CYSLTR2: variants seen among roughly 807,000 people sequenced by gnomAD.
The protein encoded by CYSLTR2 is cysteinyl leukotriene receptor 2.
For synonymous variants in CYSLTR2, 179 were observed against 160.8 expected (o/e 1.11, Z -0.86); for missense variants, 398 against 411.9 (o/e 0.97, Z 0.29).
chr13:48,679,227 C>A (rs984337455), intron 1 of CYSLTR2, among the ~76,000 whole-genome samples: 1 of 152,084 alleles, frequency 6.6e-6, no homozygotes, highest in Non-Finnish European at 1.5e-5. Flanking sequence ...TCTCTCTCCC[C>A]CAGAACCTTA....
chr13:48,701,691 C>A (rs537375690), intron 4 of CYSLTR2, among the ~76,000 whole-genome samples: 1 of 152,300 alleles, frequency 6.6e-6, no homozygotes, highest in African/African-American at 2.4e-5. Context: ...CAGAGGAATG[C>A]AAATCAAAAC....
At chr13:48,703,231 T>C (rs913461088) in intron 4 of CYSLTR2, among the ~76,000 whole-genome samples, 7 of 152,130 alleles carry the variant, frequency 4.6e-5, no homozygotes, top group Admixed American at 3.9e-4. Context: ...CTCTTGGGGT[T>C]TTCTATGTAA....
chr13:48,697,136 C>T (rs1036861173), intron 4 of CYSLTR2, among the ~76,000 whole-genome samples: 1 of 152,174 alleles, frequency 6.6e-6, no homozygotes, highest in African/African-American at 2.4e-5. Flanking sequence ...TTAAACGTCC[C>T]TGTCTGACAG....
chr13:48,656,393 A>G (rs1174241432), intron 1 of CYSLTR2, among the ~76,000 whole-genome samples: 1 of 152,178 alleles, frequency 6.6e-6, no homozygotes, highest in Admixed American at 6.5e-5. Flanking sequence ...CACCAAGTTA[A>G]TCACTTAACA....
In CYSLTR2 at chr13:48,706,954, T is replaced by C. The variant is rs746041566; in HGVS notation, c.137T>C (p.Leu46Pro). Reference protein sequence around the residue: ...FKREFFPIVYLIIFFWGVLGN... With the variant: ...FKREFFPIVYPIIFFWGVLGN... ...AGAGAATTTTTCCCAATTGTATATC[T>C]GATAATATTTTTCTGGGGAGTCTTG... Residue 46 changes from leucine to proline, a missense_variant, in exon 5 of 5, where the codon CTG becomes CCG. Leu to Pro is a moderately conservative substitution (Grantham distance 98). Coordinates refer to ENST00000682523, the MANE Select transcript of CYSLTR2 (RefSeq NM_001308476.3). The C allele has an allele frequency of 6.2e-7, 1 of 1,614,214 alleles. No homozygotes were observed. Among genetic ancestry groups the C allele is most frequent in the Non-Finnish European group, 8.5e-7 (1 of 1,180,032 alleles).
intron 4 of CYSLTR2, among the ~76,000 whole-genome samples, chr13:48,700,384 T>C (rs543628159): frequency 6.6e-6 from 1 of 152,346 alleles, no homozygotes; most frequent in South Asian, 2.1e-4. Flanking sequence ...TCAATAAACG[T>C]AATCCATCAT....
At chr13:48,688,177 G>T (rs1365117625) in intron 1 of CYSLTR2, among the ~76,000 whole-genome samples, 1 of 152,088 alleles carries the variant, frequency 6.6e-6, no homozygotes, top group Non-Finnish European at 1.5e-5. Context: ...CAACTTCCTG[G>T]GTTCAAGCAA....
At chr13:48,657,116 A>G (rs372786893) in intron 1 of CYSLTR2, among the ~76,000 whole-genome samples, 2 of 152,252 alleles carry the variant, frequency 1.3e-5, no homozygotes, top group Non-Finnish European at 1.5e-5. Context: ...AATTCACCCA[A>G]TGAATGCAGA....
chr13:48,665,182 A>G (rs997015104), intron 1 of CYSLTR2, among the ~76,000 whole-genome samples: 3 of 152,064 alleles, frequency 2.0e-5, no homozygotes, highest in Non-Finnish European at 1.5e-5. Context: ...GTTACTCGGT[A>G]TGATTTTGAT....
chr13:48,687,110 CT>C, intron 1 of CYSLTR2, among the ~76,000 whole-genome samples: 1 of 152,146 alleles, frequency 6.6e-6, no homozygotes, highest in East Asian at 1.9e-4. Context: ...GACATTAGAA[CT>C]CCAGGCTCTC....
At chr13:48,680,110 G>T (rs1411982129) in intron 1 of CYSLTR2, among the ~76,000 whole-genome samples, 1 of 152,154 alleles carries the variant, frequency 6.6e-6, no homozygotes, top group Non-Finnish European at 1.5e-5. Context: ...TTGCCACAAG[G>T]TCAGGGCAGC....
intron 1 of CYSLTR2, among the ~76,000 whole-genome samples, chr13:48,665,034 T>C (rs557113978): frequency 7.2e-5 from 11 of 152,108 alleles, no homozygotes; most frequent in Non-Finnish European, 1.3e-4. Flanking sequence ...TTTCAAGGAA[T>C]TTTAAAATTA....
At chr13:48,706,775 A>G (rs768566614) in intron 4 of CYSLTR2, 42 bp from the exon 5 acceptor site, 1 of 1,502,398 alleles carries the variant, frequency 6.7e-7, no homozygotes, top group East Asian at 2.3e-5. Flanking sequence ...AAAAAGGGAA[A>G]TTCACAAAGT....
intron 1 of CYSLTR2, among the ~76,000 whole-genome samples, chr13:48,684,290 G>A (rs1191913985): frequency 4.6e-5 from 7 of 151,994 alleles, no homozygotes; most frequent in African/African-American, 9.7e-5. Flanking sequence ...TTGAGTAAAG[G>A]AGTGGGGTAA....
Position 48,707,201 on chromosome 13 carries a change from C to T in CYSLTR2, c.384C>T (p.Phe128=), listed in dbSNP as rs764862659. Residue 128 remains phenylalanine (F), a synonymous_variant, in exon 5 of 5, where the codon TTC becomes TTT. Coordinates refer to ENST00000682523, the MANE Select transcript of CYSLTR2 (RefSeq NM_001308476.3). ...TCAACATGTACAGCAGTATTTATTTCCTGACCGTGCTGAGTGTTGTGCGTT... is the reference window on the plus strand; with the variant it reads ...TCAACATGTACAGCAGTATTTATTTTCTGACCGTGCTGAGTGTTGTGCGTT... ...LYVNMYSSIY[F]LTVLSVVRFL... is the part of the protein sequence containing the mutation. 1 of 1,614,040 alleles carries T rather than the reference C, an allele frequency of 6.2e-7. No homozygotes were observed. The highest frequency in any genetic ancestry group is 1.3e-5 in the African/African-American group (1 of 74,924).
intron 1 of CYSLTR2, among the ~76,000 whole-genome samples, chr13:48,668,089 A>C (rs781031238): frequency 7.9e-5 from 12 of 152,198 alleles, no homozygotes; most frequent in Non-Finnish European, 1.8e-4. Flanking sequence ...TAGGGTATGC[A>C]AAATCAGTAG....
At chr13:48,695,643 G>T (rs762132642) in intron 3 of CYSLTR2, among the ~76,000 whole-genome samples, 2 of 151,068 alleles carry the variant, frequency 1.3e-5, no homozygotes, top group South Asian at 2.1e-4. Context: ...CTATAATTTT[G>T]TCATTCAAGG....
At chr13:48,686,782 AT>A (rs1953902981) in intron 1 of CYSLTR2, among the ~76,000 whole-genome samples, 1 of 152,226 alleles carries the variant, frequency 6.6e-6, no homozygotes, top group Non-Finnish European at 1.5e-5. Flanking sequence ...AAGTAGTATA[AT>A]TTATGACTTT....
At position 48,707,621 on chromosome 13, in the gene CYSLTR2, C is replaced by A; in HGVS notation, c.804C>A (p.Thr268=). ...LCFLPYHTLR[T]VHLTTWKVGL... ...TCCTGCCCTATCACACACTGAGGAC[C>A]GTCCACTTGACGACATGGAAAGTGG... is the stretch of plus-strand genomic sequence containing the variant. Residue 268 remains threonine (T), a synonymous_variant, in exon 5 of 5, where the codon ACC becomes ACA. Transcript: ENST00000682523. The A allele has an allele frequency of 1.2e-6, 2 of 1,612,980 alleles. No individual in the cohort carries two copies. Among genetic ancestry groups the A allele is most frequent in the Non-Finnish European group, 1.7e-6 (2 of 1,180,008 alleles).
Sources: allele counts gnomAD v4.1 joint callset (sites outside exome capture counted in the v4.1 genomes callset), GRCh38; gene constraint gnomAD v4.1.1; transcripts MANE v1.5; gene names NCBI Gene and HGNC (gene_info 2026-07-23, HGNC 2026-07-21).